The following DLGAP3 variants were observed in gnomAD, a reference collection of about 807,000 sequenced individuals.
DLGAP3 encodes DLG associated protein 3.
In DLGAP3, 17 loss-of-function variants were observed where a neutral mutation model predicts 81.2. The ratio of observed to expected loss-of-function variants is 0.21; its 90% confidence interval spans 0.14 to 0.31. The LOEUF (loss-of-function observed/expected upper bound fraction) is 0.31. Ranked by LOEUF, DLGAP3 falls within the 10% of genes least tolerant of loss-of-function variation. DLGAP3 has a pLI of 1.00. For synonymous variants in DLGAP3, 577 were observed against 587.4 expected (o/e 0.98, Z 0.26); for missense variants, 1,124 against 1,388.0 (o/e 0.81, Z 3.02).
In DLGAP3 at chr1:34,904,095, A is replaced by G. The variant is rs1034297557; in HGVS notation, c.1107+182T>C. Among the ~76,000 whole-genome samples the G allele has an allele frequency of 2.0e-5, 3 of 152,174 alleles. No homozygotes were observed. Among genetic ancestry groups the G allele is most frequent in the Non-Finnish European group, 4.4e-5 (3 of 68,020 alleles). ...ACAGAAGGGCCCCTTCATTGCACAA[A>G]TGGGGAAAGTGAAGCCCCAAAGGAG... On this transcript the variant is annotated intron_variant, in intron 3 of 11. Transcript: ENST00000373347. The surrounding 1 kb of genome is among the most constrained non-coding windows in gnomAD (Gnocchi z 8.1).
At chr1:34,917,625 T>A (rs1639737442) in intron 1 of DLGAP3, among the ~76,000 whole-genome samples, 1 of 152,136 alleles carries the variant, frequency 6.6e-6, no homozygotes, top group African/African-American at 2.4e-5. Context: ...GATTATAGGC[T>A]TGAGCCACCG....
At chr1:34,913,164 AG>A (rs1257731007) in intron 1 of DLGAP3, among the ~76,000 whole-genome samples, 1 of 152,226 alleles carries the variant, frequency 6.6e-6, no homozygotes, top group Non-Finnish European at 1.5e-5. Context: ...GGAAGGAGGA[AG>A]GCTTGCCGTT....
In DLGAP3 at chr1:34,868,066, T is replaced by C. The variant is rs1022143958; in HGVS notation, c.2486-439A>G. 6.6e-6 allele frequency among the ~76,000 whole-genome samples: 1 copy of C among 152,176 alleles called. No homozygotes were observed. The highest frequency in any genetic ancestry group is 1.5e-5 in the Non-Finnish European group (1 of 68,016). Reference sequence around the variant, plus strand: ...ATTTCATGTACATAACACATCTTCATAGCCACTGTCCCCTCAACTCAGAGA... The same window carrying C: ...ATTTCATGTACATAACACATCTTCACAGCCACTGTCCCCTCAACTCAGAGA... On this transcript the variant is annotated intron_variant, in intron 9 of 11. Coordinates refer to ENST00000373347, the MANE Select transcript of DLGAP3 (RefSeq NM_001080418.3). This position sits in a 1 kb window ranked among gnomAD's most constrained non-coding sequence, Gnocchi z 7.5.
Position 34,885,735 on chromosome 1 carries a change from G to C in DLGAP3, c.1657C>G (p.Arg553Gly). 2.1e-6 allele frequency: 3 copies of C among 1,418,070 alleles called. No homozygotes were observed. The highest frequency in any genetic ancestry group is 2.7e-6 in the Non-Finnish European group (3 of 1,094,430). The allele number at this position is 1,418,070 out of a possible 1,614,324, so 87.8% of individuals were successfully genotyped here. ...PIPPGSQAPP[R>G]ISITAQSSTD... is the part of the protein sequence containing the mutation. ...CTGCTCTGGGCGGTGATGGAGATGC[G>C]GGGCGGGGCCTGGCTTCCCGGCGGG... Residue 553 changes from arginine (R) to glycine (G), a missense_variant, in exon 7 of 12, where the codon CGC becomes GGC. Arg to Gly is a moderately radical substitution (Grantham distance 125, BLOSUM62 -2). This residue lies in a region of DLGAP3 where 379 missense variants were observed against 455.7 expected (regional missense o/e 0.83). Coordinates refer to ENST00000373347, the MANE Select transcript of DLGAP3 (RefSeq NM_001080418.3).
At chr1:34,888,936 G>A (rs987096963) in intron 5 of DLGAP3, among the ~76,000 whole-genome samples, 3 of 152,164 alleles carry the variant, frequency 2.0e-5, no homozygotes, top group African/African-American at 7.2e-5. Flanking sequence ...GGAGCACAGG[G>A]GAGCTAATCT....
chr1:34,867,694 G>T lies in DLGAP3; in HGVS notation c.2486-67C>A. 1 of 1,339,872 alleles carries T rather than the reference G, an allele frequency of 7.5e-7. No individual in the cohort carries two copies. The highest frequency in any genetic ancestry group is 1.2e-5 in the South Asian group (1 of 85,536). The allele number at this position is 1,339,872 out of a possible 1,614,324, so 83.0% of individuals were successfully genotyped here. ...TCCTTCCCCAGCCTCCACGAAGTCT[G>T]CCCTGAATGACGCTGACCCCTCGGT... On this transcript the variant is annotated intron_variant, in intron 9 of 11. Coordinates refer to ENST00000373347, the MANE Select transcript of DLGAP3 (RefSeq NM_001080418.3). The surrounding 1 kb of genome is among the most constrained non-coding windows in gnomAD (Gnocchi z 4.3).
chr1:34,867,001 A>T lies in DLGAP3; in HGVS notation c.2721+47T>A, dbSNP rs781483551. 5.0e-6 allele frequency: 8 copies of T among 1,610,960 alleles called. No homozygotes were observed. In the East Asian group the frequency reaches 1.3e-4, roughly 27 times the overall value. On this transcript the variant is annotated intron_variant, in intron 11 of 11. Transcript: ENST00000373347. This position sits in a 1 kb window ranked among gnomAD's most constrained non-coding sequence, Gnocchi z 4.3. ...CACCCTCCACCTCTCTGGGGAGGGGAATTTCCCAGAGTCTGGCCTCTTTGC... is the reference window on the plus strand; with the variant it reads ...CACCCTCCACCTCTCTGGGGAGGGGTATTTCCCAGAGTCTGGCCTCTTTGC...
chr1:34,867,551 C>T lies in DLGAP3; in HGVS notation c.2562G>A (p.Leu854=), dbSNP rs2148390913. The T allele has an allele frequency of 2.5e-6, 4 of 1,613,902 alleles. No individual in the cohort carries two copies. Among genetic ancestry groups the T allele is most frequent in the Non-Finnish European group, 2.5e-6 (3 of 1,179,762 alleles). Residue 854 remains leucine (L), a synonymous_variant, in exon 10 of 12, where the codon CTG becomes CTA. Coordinates refer to ENST00000373347, the MANE Select transcript of DLGAP3 (RefSeq NM_001080418.3). The surrounding 1 kb of genome is among the most constrained non-coding windows in gnomAD (Gnocchi z 4.3). ...LSQKVQQFFR[L]CQQSMDPTAF... ...GGGCACTCACCATGCTTTGCTGACA[C>T]AGCCGGAAGAACTGCTGAACCTTCT...
intron 5 of DLGAP3, among the ~76,000 whole-genome samples, chr1:34,898,345 T>C (rs1461934328): frequency 1.3e-5 from 2 of 152,202 alleles, no homozygotes; most frequent in Non-Finnish European, 2.9e-5. Context: ...TGTGGTGTCC[T>C]CCAAGCCAAC....
At chr1:34,885,454 C>A (rs1347767159) in intron 7 of DLGAP3, 24 bp downstream of exon 7, 17 of 1,603,462 alleles carry the variant, frequency 1.1e-5, no homozygotes, top group Non-Finnish European at 1.4e-5. Context: ...TCAGAGCCCT[C>A]GTGGGCGCCT....
Position 34,881,138 on chromosome 1 carries a change from T to C in DLGAP3, c.2000+3840A>G, listed in dbSNP as rs558189456. ...TACAATTATTATGATATATCACTTA[T>C]GATACATTCATAAATCTAAATGATT... On this transcript the variant is annotated intron_variant, in intron 8 of 11. Coordinates refer to ENST00000373347, the MANE Select transcript of DLGAP3 (RefSeq NM_001080418.3). Among the ~76,000 whole-genome samples the C allele has an allele frequency of 3.3e-5, 5 of 152,358 alleles. No individual in the cohort carries two copies. The East Asian group carries it at 7.7e-4, about 23-fold the overall frequency.
intron 8 of DLGAP3, among the ~76,000 whole-genome samples, chr1:34,878,250 G>A (rs936183299): frequency 6.6e-6 from 1 of 152,106 alleles, no homozygotes; most frequent in Non-Finnish European, 1.5e-5. Flanking sequence ...AGGTTGCAGT[G>A]AGCTGAGATC....
Position 34,868,153 on chromosome 1 carries a change from C to T in DLGAP3, c.2485+452G>A, listed in dbSNP as rs1172919511. Among the ~76,000 whole-genome samples, 1 of 152,176 alleles carries T rather than the reference C, an allele frequency of 6.6e-6. No individual in the cohort carries two copies. ...TTACAGGAAGGGCCATGCTCTCCCT[C>T]GGGCCAGGGCCACATCTCCCTGGCT... On this transcript the variant is annotated intron_variant, in intron 9 of 11. Transcript: ENST00000373347. This position sits in a 1 kb window ranked among gnomAD's most constrained non-coding sequence, Gnocchi z 7.5.
At chr1:34,925,088 G>C (rs1241981833) in intron 1 of DLGAP3, among the ~76,000 whole-genome samples, 1 of 152,018 alleles carries the variant, frequency 6.6e-6, no homozygotes, top group African/African-American at 2.4e-5. Context: ...TGCCAGGAAG[G>C]AACAGGTTTA....
Position 34,900,102 on chromosome 1 carries a change from G to C in DLGAP3, c.1279C>G (p.Arg427Gly), listed in dbSNP as rs369579388. Residue 427 changes from arginine to glycine, a missense_variant, in exon 4 of 12, where the codon CGT becomes GGT. By Grantham distance (125) the Arg-to-Gly change is moderately radical. This residue lies in a region of DLGAP3 where 357 missense variants were observed against 408.8 expected (regional missense o/e 0.87). Coordinates refer to ENST00000373347, the MANE Select transcript of DLGAP3 (RefSeq NM_001080418.3). The surrounding 1 kb of genome is among the most constrained non-coding windows in gnomAD (Gnocchi z 5.6). ...PKAVARRFTT[R>G]RSSSVDQARI... is the part of the protein sequence containing the mutation. ...GCCTGGTCCACGCTGGAGGAGCGAC[G>C]GGTGGTGAAGCGTCGGGCGACTGCT... is the stretch of plus-strand genomic sequence containing the variant. The C allele has an allele frequency of 6.2e-7, 1 of 1,613,806 alleles. No individual in the cohort carries two copies. The highest frequency in any genetic ancestry group is 1.7e-5 in the Admixed American group (1 of 60,028).
chr1:34,905,886 G>A (rs1430995857), intron 2 of DLGAP3, among the ~76,000 whole-genome samples: 1 of 151,316 alleles, frequency 6.6e-6, no homozygotes, highest in East Asian at 2.0e-4. Flanking sequence ...TATGCCTGTA[G>A]TCCCAGCTAC....
chr1:34,892,126 C>T (rs1210148471), intron 5 of DLGAP3, among the ~76,000 whole-genome samples: 2 of 151,910 alleles, frequency 1.3e-5, no homozygotes, highest in Non-Finnish European at 2.9e-5. Context: ...GAAAGCATGA[C>T]AACAATGACT....
At position 34,895,365 on chromosome 1, in the gene DLGAP3, CAA is replaced by C. The variant is rs547362741; in HGVS notation, c.1386+4302_1386+4303del. Among the ~76,000 whole-genome samples, 5 of 86,982 alleles carry C rather than the reference CAA, an allele frequency of 5.7e-5. No individual in the cohort carries two copies. The highest frequency in any genetic ancestry group is 1.1e-4 in the Admixed American group (1 of 8,754). The allele number at this position is 86,982 out of a possible 152,430, so 57.1% of individuals were successfully genotyped here. Reference sequence around the variant, plus strand: ...CCTGGGCGACAGAGCGAGACTGTCTCAAAAAAAAAAAAAAATTAAAATAATAA... The same window carrying C: ...CCTGGGCGACAGAGCGAGACTGTCTCAAAAAAAAAAAAATTAAAATAATAA... On this transcript the variant is annotated intron_variant, in intron 5 of 11. Coordinates refer to ENST00000373347, the MANE Select transcript of DLGAP3 (RefSeq NM_001080418.3). This position sits in a 1 kb window ranked among gnomAD's most constrained non-coding sequence, Gnocchi z 4.5.
At position 34,868,909 on chromosome 1, in the gene DLGAP3, G is replaced by C; in HGVS notation, c.2181C>G (p.Val727=). 6.2e-7 allele frequency: 1 copy of C among 1,607,644 alleles called. No individual in the cohort carries two copies. Among genetic ancestry groups the C allele is most frequent in the Non-Finnish European group, 8.5e-7 (1 of 1,179,700 alleles). ...GGCCCTGCGTGTGGACCGTGCGGAA[G>C]ACTGAGTAGGTGGGGGCCCGGGGCC... The part of the protein sequence containing the change: ...QPGPRAPTYS[V]FRTVHTQGQW... Residue 727 remains valine (V), a synonymous_variant, in exon 9 of 12, where the codon GTC becomes GTG. Transcript: ENST00000373347. The surrounding 1 kb of genome is among the most constrained non-coding windows in gnomAD (Gnocchi z 7.5).
Sources: gnomAD v4.1 joint callset for allele counts (sites outside exome capture counted in the v4.1 genomes callset) on GRCh38, gnomAD v4.1.1 for gene constraint, gnomAD v4.1.1 regional missense constraint, Gnocchi (gnomAD v3.1) non-coding constraint, MANE v1.5 for transcripts, NCBI Gene and HGNC (gene_info 2026-07-23, HGNC 2026-07-21) for gene names.